Variants in C2orf80 observed in about 807,000 individuals in gnomAD.
The protein encoded by C2orf80 is chromosome 2 open reading frame 80.
C2orf80 carries 28 observed loss-of-function variants against 30.2 expected under a neutral mutation model. The ratio of observed to expected loss-of-function variants is 0.93; its 90% confidence interval spans 0.69 to 1.27. C2orf80 has a LOEUF of 1.27. C2orf80 is among the 50% of genes most tolerant of loss of function. The pLI is 0.00. For missense variants in C2orf80, 220 were observed against 231.0 expected, an observed-to-expected ratio of 0.95 and a Z score of 0.31; for synonymous variants, 80 against 76.4, an observed-to-expected ratio of 1.05 and a Z score of -0.24.
chr2:208,169,570 G>T (rs923412134), intron 8 of C2orf80, among the ~76,000 whole-genome samples: 10 of 151,756 alleles, frequency 6.6e-5, no homozygotes, highest in Non-Finnish European at 1.3e-4. Flanking sequence ...AAAATTAGCC[G>T]GGTGTGGTGG....
At chr2:208,169,110 T>C (rs6435419) in intron 8 of C2orf80, among the ~76,000 whole-genome samples, 144,161 of 152,206 alleles carry the variant, frequency 0.95, 68,288 homozygotes, top group East Asian at 1. Flanking sequence ...AAAATATATA[T>C]GGAACAAAAT....
At chr2:208,185,521 G>A (rs568845516) in intron 2 of C2orf80, among the ~76,000 whole-genome samples, 1 of 152,230 alleles carries the variant, frequency 6.6e-6, no homozygotes, top group South Asian at 2.1e-4. Context: ...AAACTTATTA[G>A]TGATTCCACT....
At chr2:208,177,765 C>G (rs1251862614) in intron 6 of C2orf80, among the ~76,000 whole-genome samples, 1 of 151,922 alleles carries the variant, frequency 6.6e-6, no homozygotes, top group African/African-American at 2.4e-5. Context: ...ATTGGTTGGT[C>G]CACTTCTACA....
At chr2:208,180,264 A>G (rs1696511113) in intron 6 of C2orf80, among the ~76,000 whole-genome samples, 1 of 152,168 alleles carries the variant, frequency 6.6e-6, no homozygotes, top group Non-Finnish European at 1.5e-5. Flanking sequence ...AGCCTGGTCA[A>G]CATGGCAAAA....
chr2:208,176,973 A>ATGTATACATATG (rs56730997), intron 6 of C2orf80, among the ~76,000 whole-genome samples: 4 of 92,258 alleles, frequency 4.3e-5, no homozygotes, highest in South Asian at 3.6e-4. Flanking sequence ...ATGTATACAT[A>ATGTATACATATG]TATACAGAAA....
At chr2:208,189,080 C>T (rs1479005767) in intron 1 of C2orf80, among the ~76,000 whole-genome samples, 2 of 152,212 alleles carry the variant, frequency 1.3e-5, no homozygotes, top group Non-Finnish European at 2.9e-5. Flanking sequence ...CCCTAACATT[C>T]TGTAACTCTA....
In C2orf80 at chr2:208,171,078, A is replaced by G. The variant is rs1394191734; in HGVS notation, c.455-15T>C. 6.4e-7 allele frequency: 1 copy of G among 1,550,404 alleles called. No homozygotes were observed. The highest frequency in any genetic ancestry group is 1.4e-5 in the African/African-American group (1 of 73,652). ...TGACTTGACACCTACAGACAGATGC[A>G]GTAACCATATCTGTATATAAAACTT... On this transcript the variant is annotated splice_polypyrimidine_tract_variant and intron_variant, in intron 7 of 8. Coordinates refer to ENST00000341287, the MANE Select transcript of C2orf80 (RefSeq NM_001099334.3).
chr2:208,174,692 G>A (rs552874970), intron 6 of C2orf80, among the ~76,000 whole-genome samples: 4 of 152,356 alleles, frequency 2.6e-5, no homozygotes, highest in Admixed American at 2.6e-4. Flanking sequence ...AAGTGACAAA[G>A]CTGGGACTGG....
chr2:208,180,792 A>C lies in C2orf80; in HGVS notation c.319T>G (p.Phe107Val), dbSNP rs1316335428. ...LMNSIPIEEV[F>V]KIYGADSSAD... ...GAAGAATCAGCCCCATAAATTTTAAAGACTTCCTCAATCGGGATACTGTTC... is the reference window on the plus strand; with the variant it reads ...GAAGAATCAGCCCCATAAATTTTAACGACTTCCTCAATCGGGATACTGTTC... Residue 107 changes from phenylalanine to valine, a missense_variant, in exon 6 of 9, where the codon TTT (phenylalanine) becomes GTT (valine). Phe to Val is a conservative substitution (Grantham distance 50, BLOSUM62 -1). Transcript: ENST00000341287. 6.2e-7 allele frequency: 1 copy of C among 1,613,738 alleles called. No homozygotes were observed. Among genetic ancestry groups the C allele is most frequent in the South Asian group, 1.1e-5 (1 of 91,054 alleles).
In C2orf80 at chr2:208,166,657, CT is replaced by C. The variant is rs984240834; in HGVS notation, c.574-843del. Among the ~76,000 whole-genome samples, 41 of 148,828 alleles carry C rather than the reference CT, an allele frequency of 2.8e-4. No homozygotes were observed. In the South Asian group the frequency reaches 3.4e-3, roughly 12 times the overall value. The stretch of plus-strand genomic sequence containing the variant: ...ATTATTGCTTGCCACTGTCCTGACA[CT>C]TTTTTTTTTTGAGACGGTGTCTCAC... On this transcript the variant is annotated intron_variant, in intron 8 of 8. Transcript: ENST00000341287.
chr2:208,171,445 T>C (rs1017453654), intron 7 of C2orf80, among the ~76,000 whole-genome samples: 8 of 151,774 alleles, frequency 5.3e-5, no homozygotes, highest in Non-Finnish European at 1.2e-4. Flanking sequence ...CTCAGCCTCC[T>C]GAGTAGCTGG....
chr2:208,167,047 A>G (rs1695918383), intron 8 of C2orf80, among the ~76,000 whole-genome samples: 1 of 152,172 alleles, frequency 6.6e-6, no homozygotes, highest in Admixed American at 6.6e-5. Context: ...AAAGAGATGA[A>G]AAACTAAAAG....
chr2:208,178,916 C>G (rs1244217927), intron 6 of C2orf80, among the ~76,000 whole-genome samples: 1 of 152,118 alleles, frequency 6.6e-6, no homozygotes, highest in Non-Finnish European at 1.5e-5. Context: ...CGCCACCACA[C>G]CTGGCAAATT....
chr2:208,170,929 A>C lies in C2orf80; in HGVS notation c.573+16T>G. The C allele has an allele frequency of 6.2e-7, 1 of 1,600,542 alleles. No homozygotes were observed. Among genetic ancestry groups the C allele is most frequent in the Non-Finnish European group, 8.6e-7 (1 of 1,167,634 alleles). On this transcript the variant is annotated intron_variant, in intron 8 of 8. Transcript: ENST00000341287. ...AGCTGGTATCAGTTTGGTCCAATTT[A>C]CAATCTCACACCTACTTTGTGCTTT...
rs558946614 is a variant in C2orf80, at chr2:208,173,337, A to C, written c.367-1262T>G. 9.2e-5 allele frequency among the ~76,000 whole-genome samples: 14 copies of C among 152,110 alleles called. No homozygotes were observed. The South Asian group carries it at 2.9e-3, about 32-fold the overall frequency. ...ATTTGCTAATATCCTATTTATAAAA[A>C]CTCAAGGCTGGGTGTGGAGGCTCAA... On this transcript the variant is annotated intron_variant, in intron 6 of 8. Coordinates refer to ENST00000341287, the MANE Select transcript of C2orf80 (RefSeq NM_001099334.3).
In C2orf80 at chr2:208,177,151, T is replaced by TATACATACATATATATTATAC. The variant is rs1696381405; in HGVS notation, c.366+3593_366+3594insGTATAATATATATGTATGTAT. ...TATATATACATACATATATATTATA[T>TATACATACATATATATTATAC]ATAGTGTGTGCATATATATGTGTAT... On this transcript the variant is annotated intron_variant, in intron 6 of 8. Coordinates refer to ENST00000341287, the MANE Select transcript of C2orf80 (RefSeq NM_001099334.3). Among the ~76,000 whole-genome samples the TATACATACATATATATTATAC allele has an allele frequency of 2.7e-5, 4 of 147,208 alleles. No homozygotes were observed. In the East Asian group the frequency reaches 5.9e-4, roughly 22 times the overall value.
chr2:208,189,740 G>GA, intron 1 of C2orf80: 1 of 565,876 alleles, frequency 1.8e-6, no homozygotes, highest in Non-Finnish European at 3.1e-6. Flanking sequence ...AGAGGTACTG[G>GA]AAAGATGTCA....
Position 208,176,934 on chromosome 2 carries a change from TAC to T in C2orf80, c.366+3809_366+3810del, listed in dbSNP as rs1696337783. Among the ~76,000 whole-genome samples, 5 of 90,234 alleles carry T rather than the reference TAC, an allele frequency of 5.5e-5. 1 individual carries two copies. The highest frequency in any genetic ancestry group is 2.3e-4 in the African/African-American group (5 of 21,418). 59.2% of individuals were successfully genotyped at this position (90,234 alleles called of 152,430 possible). A position where few individuals can be genotyped will look rare whatever the true frequency, so the allele number is the denominator to read the frequency against. On this transcript the variant is annotated intron_variant, in intron 6 of 8. Coordinates refer to ENST00000341287, the MANE Select transcript of C2orf80 (RefSeq NM_001099334.3). The stretch of plus-strand genomic sequence containing the variant: ...GTATACATATCTGTATACATATGTA[TAC>T]ATATCTGTATACATATCTGTATACA...
At chr2:208,176,053 A>G (rs1696282716) in intron 6 of C2orf80, among the ~76,000 whole-genome samples, 1 of 152,212 alleles carries the variant, frequency 6.6e-6, no homozygotes. Flanking sequence ...CAAAAGAGGC[A>G]AAGTTTACAT....
Sources: gnomAD v4.1 joint callset for allele counts (sites outside exome capture counted in the v4.1 genomes callset) on GRCh38, gnomAD v4.1.1 for gene constraint, MANE v1.5 for transcripts, NCBI Gene and HGNC (gene_info 2026-07-23, HGNC 2026-07-21) for gene names.